The following RELN variants were observed in gnomAD, a reference collection of about 807,000 sequenced individuals.
RELN encodes reelin.
Under a neutral mutation model 427.6 loss-of-function variants are expected in RELN, and 108 were observed. That is an observed-to-expected ratio of 0.25 (90% CI 0.22 to 0.30). RELN has a LOEUF of 0.30. Among genes scored for constraint, RELN ranks in the 10% least tolerant of loss-of-function variants. The pLI, the probability that RELN is intolerant of heterozygous loss-of-function variation, is 1.00. For missense variants in RELN, 3,715 were observed against 4,302.8 expected (o/e 0.86, Z 3.82); for synonymous variants, 1,524 against 1,513.4 (o/e 1.01, Z -0.16).
Position 103,498,205 on chromosome 7 carries a change from T to C in RELN, c.8715A>G (p.Leu2905=). 1.2e-6 allele frequency: 2 copies of C among 1,614,078 alleles called. No individual in the cohort carries two copies. The highest frequency in any genetic ancestry group is 2.2e-5 in the South Asian group (2 of 91,082). The part of the protein sequence containing the change: ...RFDSEEIKPD[L]WMSLEGGSTC... ...TACTTCCACCTTCTAAGGACATCCA[T>C]AAGTCAGGTTTGATTTCTTCACTGT... The change falls in exon 54 of 65, where the codon TTA becomes TTG. Residue 2905 remains leucine, a synonymous_variant. Transcript: ENST00000428762.
intron 57 of RELN, 95 bp from the exon 58 acceptor site, chr7:103,492,121 G>T (rs1368995226): frequency 2.1e-6 from 2 of 966,472 alleles, no homozygotes; most frequent in African/African-American, 3.2e-5. Flanking sequence ...TACTCTGATA[G>T]GTAATATTCA....
chr7:103,682,309 G>C (rs768149421), intron 10 of RELN, 48 bp from the exon 11 acceptor site: 1 of 1,601,626 alleles, frequency 6.2e-7, no homozygotes, highest in East Asian at 2.2e-5. Flanking sequence ...TGGTGTTGTA[G>C]CTGTATCTGT....
chr7:103,851,977 T>C (rs1793833002), intron 2 of RELN, among the ~76,000 whole-genome samples: 1 of 152,184 alleles, frequency 6.6e-6, no homozygotes, highest in South Asian at 2.1e-4. Context: ...AATATGGAAA[T>C]AGTTAGACTG....
chr7:103,933,619 G>A (rs73183764), intron 1 of RELN, among the ~76,000 whole-genome samples: 47,431 of 151,784 alleles, frequency 0.31, 8,317 homozygotes, highest in African/African-American at 0.46. Flanking sequence ...GCAGAACTGT[G>A]CACAAGCCCA....
chr7:103,576,483 C>A (rs1831005572), intron 28 of RELN, among the ~76,000 whole-genome samples: 1 of 152,160 alleles, frequency 6.6e-6, no homozygotes, highest in African/African-American at 2.4e-5. Context: ...TTCTCACCTT[C>A]TGCTCTTTTA....
chr7:103,837,277 C>T (rs1285275632), intron 2 of RELN, among the ~76,000 whole-genome samples: 20 of 152,188 alleles, frequency 1.3e-4, no homozygotes, highest in Non-Finnish European at 1.9e-4. Flanking sequence ...GTGAAATCTA[C>T]TTACATGGCT....
intron 25 of RELN, among the ~76,000 whole-genome samples, chr7:103,595,877 T>G (rs1005597357): frequency 1.3e-5 from 2 of 152,116 alleles, no homozygotes; most frequent in Non-Finnish European, 2.9e-5. Flanking sequence ...CTGGTATTAG[T>G]ATTAAACACG....
At chr7:103,779,517 T>C (rs966747312) in intron 3 of RELN, among the ~76,000 whole-genome samples, 1 of 152,160 alleles carries the variant, frequency 6.6e-6, no homozygotes, top group Non-Finnish European at 1.5e-5. Flanking sequence ...GATACTCTTA[T>C]CCATTTTTCC....
intron 1 of RELN, among the ~76,000 whole-genome samples, chr7:103,936,099 CT>C (rs57827486): frequency 0.038 from 5,498 of 142,952 alleles, 328 homozygotes; most frequent in African/African-American, 0.13. Context: ...GCTTCAATGG[CT>C]TTTTTTTTTT....
intron 3 of RELN, among the ~76,000 whole-genome samples, chr7:103,791,917 A>C (rs1792171649): frequency 6.6e-6 from 1 of 152,208 alleles, no homozygotes. Context: ...ATGGGCAAAC[A>C]ATTTGAACAG....
At chr7:103,797,355 T>C (rs557907281) in intron 3 of RELN, among the ~76,000 whole-genome samples, 1 of 152,314 alleles carries the variant, frequency 6.6e-6, no homozygotes, top group South Asian at 2.1e-4. Flanking sequence ...TCCACCTGGC[T>C]TGGCCTCCCA....
At chr7:103,621,192 T>A (rs1379884362) in intron 20 of RELN, among the ~76,000 whole-genome samples, 8 of 152,358 alleles carry the variant, frequency 5.3e-5, no homozygotes, top group African/African-American at 1.7e-4. Context: ...ATGGATTTTT[T>A]AACATTGCCT....
At chr7:103,827,800 C>T (rs1793179404) in intron 3 of RELN, among the ~76,000 whole-genome samples, 1 of 151,746 alleles carries the variant, frequency 6.6e-6, no homozygotes, top group Non-Finnish European at 1.5e-5. Flanking sequence ...AAACAGAAAA[C>T]TAGACTGTCA....
At chr7:103,749,314 A>T (rs570335613) in intron 6 of RELN, 112 bp downstream of exon 6, 40 of 833,176 alleles carry the variant, frequency 4.8e-5, no homozygotes, top group Admixed American at 8.9e-5. Context: ...AGTCTCACTG[A>T]TAGCTTAGCA....
chr7:103,750,232 T>A (rs1455677727), intron 5 of RELN, among the ~76,000 whole-genome samples: 1 of 152,138 alleles, frequency 6.6e-6, no homozygotes, highest in Non-Finnish European at 1.5e-5. Context: ...CCTGCCTCGA[T>A]CTCCCAAAGT....
intron 1 of RELN, among the ~76,000 whole-genome samples, chr7:103,984,595 C>T (rs537914134): frequency 5.4e-4 from 82 of 152,206 alleles, no homozygotes; most frequent in African/African-American, 1.9e-3. Context: ...AAGAAACAAT[C>T]TCAACCACAT....
At position 103,690,052 on chromosome 7, in the gene RELN, A is replaced by G. The variant is rs6950563; in HGVS notation, c.1144-7791T>C. Among the ~76,000 whole-genome samples, 1,237 of 152,246 alleles carry G rather than the reference A, an allele frequency of 8.1e-3. 22 individuals are homozygous for G. Among genetic ancestry groups the G allele is most frequent in the African/African-American group, 0.028 (1,182 of 41,554 alleles). On this transcript the variant is annotated intron_variant, in intron 10 of 64. Coordinates refer to ENST00000428762, the MANE Select transcript of RELN (RefSeq NM_005045.4). ...TCTAGATATAAAACTGGATGGCAAG[A>G]TCTTCCTCATGGTGCTGGCATCTAC...
intron 2 of RELN, among the ~76,000 whole-genome samples, chr7:103,867,665 A>G (rs553178283): frequency 6.6e-6 from 1 of 152,214 alleles, no homozygotes; most frequent in South Asian, 2.1e-4. Flanking sequence ...ATGCTATTTA[A>G]AAAATCTTGG....
intron 1 of RELN, among the ~76,000 whole-genome samples, chr7:103,974,875 C>A (rs1160888145): frequency 6.6e-6 from 1 of 152,136 alleles, no homozygotes; most frequent in Non-Finnish European, 1.5e-5. Context: ...TTATTTATGG[C>A]GCAGCATAGA....
Sources: allele counts gnomAD v4.1 joint callset (sites outside exome capture counted in the v4.1 genomes callset), GRCh38; gene constraint gnomAD v4.1.1; transcripts MANE v1.5; gene names NCBI Gene and HGNC (gene_info 2026-07-23, HGNC 2026-07-21).